The following BABAM2 variants were observed in gnomAD, a reference collection of about 807,000 sequenced individuals.
BABAM2 encodes BRISC and BRCA1 A complex member 2, also known as BRISC and BRCA1-A complex member 2.
A neutral mutation model predicts 54.7 loss-of-function variants in BABAM2; 31 were observed. That is an observed-to-expected ratio of 0.57 (90% CI 0.43 to 0.77). The LOEUF (loss-of-function observed/expected upper bound fraction) is 0.77. Among genes scored for constraint, BABAM2 ranks in the 30% least tolerant of loss-of-function variants. The pLI is 0.00. For missense variants in BABAM2, 364 were observed against 455.8 expected, an observed-to-expected ratio of 0.80 and a Z score of 1.83; for synonymous variants, 167 against 162.9, an observed-to-expected ratio of 1.03 and a Z score of -0.19.
intron 7 of BABAM2, among the ~76,000 whole-genome samples, chr2:28,186,376 T>C (rs1471504632): frequency 6.6e-6 from 1 of 152,182 alleles, no homozygotes; most frequent in Non-Finnish European, 1.5e-5. Context: ...TTCACAAGTA[T>C]GTGGTATGAA....
chr2:28,064,146 A>G (rs1352052717), intron 6 of BABAM2, among the ~76,000 whole-genome samples: 2 of 152,228 alleles, frequency 1.3e-5, no homozygotes, highest in African/African-American at 4.8e-5. Context: ...TTTGACAGGA[A>G]CTTTTTAGTG....
chr2:27,922,380 T>C (rs1667402680), intron 2 of BABAM2, among the ~76,000 whole-genome samples: 1 of 152,182 alleles, frequency 6.6e-6, no homozygotes, highest in Non-Finnish European at 1.5e-5. Context: ...TGTGATTAAA[T>C]GTAAAATAAG....
chr2:28,261,477 C>T (rs574893127), intron 10 of BABAM2, among the ~76,000 whole-genome samples: 2 of 151,904 alleles, frequency 1.3e-5, no homozygotes, highest in South Asian at 4.2e-4. Context: ...CTACAGGCGC[C>T]CGCCACCACA....
intron 7 of BABAM2, among the ~76,000 whole-genome samples, chr2:28,156,010 A>G (rs1401586654): frequency 6.6e-6 from 1 of 152,174 alleles, no homozygotes; most frequent in Non-Finnish European, 1.5e-5. Context: ...AAGTAGAGTA[A>G]TTTGATTAGA....
intron 10 of BABAM2, among the ~76,000 whole-genome samples, chr2:28,277,011 T>G (rs1685933973): frequency 6.6e-6 from 1 of 152,180 alleles, no homozygotes; most frequent in African/African-American, 2.4e-5. Flanking sequence ...CTAGTGACCC[T>G]CCCCGTGCAG....
intron 10 of BABAM2, among the ~76,000 whole-genome samples, chr2:28,271,476 T>C (rs1685427231): frequency 6.6e-6 from 1 of 152,194 alleles, no homozygotes; most frequent in Admixed American, 6.5e-5. Context: ...TCTGTCACAG[T>C]CTTCAAATAA....
intron 7 of BABAM2, among the ~76,000 whole-genome samples, chr2:28,165,715 A>G (rs1189370290): frequency 2.0e-5 from 3 of 151,674 alleles, no homozygotes; most frequent in Non-Finnish European, 2.9e-5. Flanking sequence ...TTGTATCTTT[A>G]GTAGAGATGG....
intron 3 of BABAM2, chr2:27,930,212 GCTTTAGAATA>G: frequency 4.4e-6 from 1 of 226,698 alleles, no homozygotes; most frequent in Non-Finnish European, 8.7e-6. Context: ...AGAGTCCACT[GCTTTAGAATA>G]CCTGGCCATT....
At chr2:28,005,455 T>C (rs996214030) in intron 4 of BABAM2, among the ~76,000 whole-genome samples, 3 of 152,168 alleles carry the variant, frequency 2.0e-5, no homozygotes, top group African/African-American at 7.2e-5. Context: ...TTGTGCTGTT[T>C]TGCAGCATGC....
chr2:28,246,488 C>T (rs1232738078), intron 10 of BABAM2, among the ~76,000 whole-genome samples: 6 of 152,102 alleles, frequency 3.9e-5, no homozygotes, highest in Non-Finnish European at 8.8e-5. Context: ...TTATCCTAAC[C>T]CAGCTCAAGA....
chr2:28,164,950 T>A (rs1048563009), intron 7 of BABAM2, among the ~76,000 whole-genome samples: 1 of 152,204 alleles, frequency 6.6e-6, no homozygotes, highest in Non-Finnish European at 1.5e-5. Flanking sequence ...ACCATACCAC[T>A]GTACTAGGTA....
intron 5 of BABAM2, among the ~76,000 whole-genome samples, chr2:28,030,601 G>A (rs990506687): frequency 1.3e-5 from 2 of 152,184 alleles, no homozygotes; most frequent in Non-Finnish European, 2.9e-5. Flanking sequence ...AATATTAAAG[G>A]ACAGCCTGCT....
chr2:28,008,641 A>T lies in BABAM2; in HGVS notation c.301-16585A>T, dbSNP rs73923966. ...AAAACATTTGAGAGAAAAGATGATG[A>T]TTTAAAAATTAAACACAAATAAATA... is the stretch of plus-strand genomic sequence containing the variant. On this transcript the variant is annotated intron_variant, in intron 4 of 11. Coordinates refer to ENST00000379624, the MANE Select transcript of BABAM2 (RefSeq NM_199191.3). 9.2e-3 allele frequency among the ~76,000 whole-genome samples: 1,404 copies of T among 152,290 alleles called. 24 individuals carry two copies. The highest frequency in any genetic ancestry group is 0.032 in the African/African-American group (1,313 of 41,560).
chr2:27,903,832 G>A (rs562041495), intron 2 of BABAM2, among the ~76,000 whole-genome samples: 4 of 152,240 alleles, frequency 2.6e-5, no homozygotes, highest in African/African-American at 9.6e-5. Context: ...TTGTTCTTAT[G>A]TTAGGTCTTA....
At chr2:28,298,638 C>T in intron 11 of BABAM2, 147 bp downstream of exon 11, 1 of 1,001,060 alleles carries the variant, frequency 1.0e-6, no homozygotes, top group Non-Finnish European at 1.4e-6. Flanking sequence ...ACACCCATTT[C>T]TTTACTTATT....
chr2:28,108,668 G>A (rs1293850449), intron 6 of BABAM2, among the ~76,000 whole-genome samples: 2 of 152,230 alleles, frequency 1.3e-5, no homozygotes, highest in East Asian at 3.9e-4. Context: ...AATATAATAT[G>A]TTCTTCCTTT....
At chr2:27,924,403 T>TC (rs1224060693) in intron 2 of BABAM2, among the ~76,000 whole-genome samples, 15 of 151,918 alleles carry the variant, frequency 9.9e-5, no homozygotes, top group African/African-American at 1.7e-4. Flanking sequence ...TTTTTTTTTT[T>TC]AGGCAGAGTC....
intron 4 of BABAM2, among the ~76,000 whole-genome samples, chr2:27,998,455 G>A (rs376749559): frequency 3.3e-5 from 5 of 151,712 alleles, no homozygotes; most frequent in Admixed American, 6.6e-5. Flanking sequence ...ATGGACATAC[G>A]TTTGTCTACA....
intron 7 of BABAM2, among the ~76,000 whole-genome samples, chr2:28,149,345 C>T (rs1209811816): frequency 1.3e-5 from 2 of 152,100 alleles, no homozygotes; most frequent in African/African-American, 2.4e-5. Context: ...GGCCTTCATT[C>T]CCCCGTCTTG....
Sources: gnomAD v4.1 joint callset for allele counts (sites outside exome capture counted in the v4.1 genomes callset) on GRCh38, gnomAD v4.1.1 for gene constraint, MANE v1.5 for transcripts, NCBI Gene and HGNC (gene_info 2026-07-23, HGNC 2026-07-21) for gene names.